Variants in RHEX observed in about 807,000 individuals in gnomAD.
RHEX encodes the protein regulator of hemoglobinization and erythroid cell expansion.
In RHEX, 18 loss-of-function variants were observed where a neutral mutation model predicts 20.1. The observed-to-expected ratio is 0.90, with a 90% CI of 0.62 to 1.33. The LOEUF (loss-of-function observed/expected upper bound fraction) is 1.33. Among genes scored for constraint, RHEX ranks in the 40% most tolerant of loss-of-function variants. The pLI, the probability that RHEX is intolerant of heterozygous loss-of-function variation, is 0.00. For synonymous variants in RHEX, 87 were observed against 77.1 expected (o/e 1.13, Z -0.67); for missense variants, 192 against 214.3 (o/e 0.90, Z 0.65).
chr1:206,063,066 A>G (rs569029154), intron 1 of RHEX, among the ~76,000 whole-genome samples: 12 of 152,344 alleles, frequency 7.9e-5, no homozygotes, highest in South Asian at 6.2e-4. Flanking sequence ...GCTAGTTTGT[A>G]TCAGGTGTTC....
In RHEX at chr1:206,067,612, G is replaced by T. The variant is rs1368937538; in HGVS notation, c.-97+14347G>T. ...GGTGGGGAGAGCAATTTTTCTGCCA[G>T]ACAGCTCATCACTGACAACCCACTG... On this transcript the variant is annotated intron_variant, in intron 1 of 5. Coordinates refer to ENST00000331555, the MANE Select transcript of RHEX (RefSeq NM_001007544.4). The surrounding 1 kb of genome is among the most constrained non-coding windows in gnomAD (Gnocchi z 4.6). Among the ~76,000 whole-genome samples the T allele has an allele frequency of 6.6e-6, 1 of 152,088 alleles. No homozygotes were observed. Among genetic ancestry groups the T allele is most frequent in the African/African-American group, 2.4e-5 (1 of 41,364 alleles).
intron 1 of RHEX, among the ~76,000 whole-genome samples, chr1:206,074,323 C>A (rs1662590625): frequency 6.6e-6 from 1 of 152,176 alleles, no homozygotes; most frequent in Non-Finnish European, 1.5e-5. Context: ...CTCTGTATCC[C>A]AGTGCTTAGC....
rs1553288341 is a variant in RHEX at position 206,101,205 on chromosome 1, A to G, written c.318+8A>G. On this transcript the variant is annotated splice_region_variant and intron_variant, in intron 5 of 5. Transcript: ENST00000331555. Reference sequence around the variant, plus strand: ...TCGCCTCCTGCCTGCCAGGTAATGGATGTGCCTAGTGATCTCAGACGAACA... The same window carrying G: ...TCGCCTCCTGCCTGCCAGGTAATGGGTGTGCCTAGTGATCTCAGACGAACA... 8 of 1,607,476 alleles carry G rather than the reference A, an allele frequency of 5.0e-6. No individual in the cohort carries two copies. The highest frequency in any genetic ancestry group is 1.1e-5 in the South Asian group (1 of 90,340).
rs782015197 is a variant in RHEX at position 206,098,097 on chromosome 1, C to T, written c.28C>T (p.His10Tyr). ...TCCCAACAGAGTCATGGAGGTCTGG[C>T]ATGGCTTAGTGATCGCGGTGGTGTC... is the stretch of plus-strand genomic sequence containing the variant. MLTEVMEVW[H>Y]GLVIAVVSLF... Residue 10 changes from histidine to tyrosine, a missense_variant, in exon 3 of 6, where the codon CAT becomes TAT. Transcript: ENST00000331555. 2.5e-6 allele frequency: 4 copies of T among 1,613,790 alleles called. No individual in the cohort carries two copies. The highest frequency in any genetic ancestry group is 1.1e-5 in the South Asian group (1 of 91,076).
At chr1:206,055,789 G>C (rs1662181929) in intron 1 of RHEX, among the ~76,000 whole-genome samples, 1 of 152,280 alleles carries the variant, frequency 6.6e-6, no homozygotes, top group Admixed American at 6.5e-5. Flanking sequence ...CTATGTGTCA[G>C]AAAGAGAAAA....
chr1:206,098,824 G>A (rs1160608689), intron 3 of RHEX, among the ~76,000 whole-genome samples: 2 of 151,982 alleles, frequency 1.3e-5, no homozygotes, highest in Admixed American at 1.3e-4. Flanking sequence ...TACACAACAG[G>A]GAACAAAACA....
At chr1:206,098,004 G>A in intron 2 of RHEX, 77 bp from the exon 3 acceptor site, 1 of 1,297,266 alleles carries the variant, frequency 7.7e-7, no homozygotes, top group Non-Finnish European at 1.1e-6. Context: ...TCTGCCTCCA[G>A]CTAGGACAGG....
chr1:206,090,787 A>G (rs1242946295), intron 1 of RHEX, among the ~76,000 whole-genome samples: 1 of 151,796 alleles, frequency 6.6e-6, no homozygotes, highest in Non-Finnish European at 1.5e-5. Flanking sequence ...AGATATTTCT[A>G]TTGTTGTAGT....
At position 206,099,818 on chromosome 1, in the gene RHEX, G is replaced by A; in HGVS notation, c.256+20G>A. ...ACAGGCGTGAGTAAGGGGTTGGAGG[G>A]AGAACTTGTCTAGGGACTAACTTTG... On this transcript the variant is annotated intron_variant, in intron 4 of 5. Transcript: ENST00000331555. 1 of 1,612,088 alleles carries A rather than the reference G, an allele frequency of 6.2e-7. No homozygotes were observed. The highest frequency in any genetic ancestry group is 8.5e-7 in the Non-Finnish European group (1 of 1,178,822).
intron 1 of RHEX, among the ~76,000 whole-genome samples, chr1:206,069,486 C>T (rs1553284457): frequency 3.9e-5 from 6 of 152,192 alleles, no homozygotes; most frequent in Non-Finnish European, 8.8e-5. Flanking sequence ...GTAGAATGAA[C>T]ACTAAATATT....
chr1:206,063,368 G>GCCTCTCCCTCTC (rs368021574), intron 1 of RHEX, among the ~76,000 whole-genome samples: 15 of 151,458 alleles, frequency 9.9e-5, no homozygotes, highest in African/African-American at 3.4e-4. Flanking sequence ...AGATTTTTCT[G>GCCTCTCCCTCTC]CCTCTCCCTC....
At chr1:206,092,054 CTCTCTCTCTT>C (rs1354631322) in intron 1 of RHEX, among the ~76,000 whole-genome samples, 7 of 150,518 alleles carry the variant, frequency 4.7e-5, no homozygotes, top group African/African-American at 7.4e-5. Context: ...CTCTCTTTCT[CTCTCTCTCTT>C]TCTCTCTCTT....
At chr1:206,057,640 G>A in intron 1 of RHEX, among the ~76,000 whole-genome samples, 1 of 152,252 alleles carries the variant, frequency 6.6e-6, no homozygotes, top group East Asian at 1.9e-4. Flanking sequence ...TCAGTGGACA[G>A]GTAGCTGTGT....
intron 1 of RHEX, among the ~76,000 whole-genome samples, chr1:206,083,345 G>A (rs993221005): frequency 6.6e-6 from 1 of 152,076 alleles, no homozygotes; most frequent in African/African-American, 2.4e-5. Context: ...GTGTGCCACA[G>A]GGAGAGAAAG....
At chr1:206,096,266 A>G (rs1663066753) in intron 1 of RHEX, among the ~76,000 whole-genome samples, 1 of 152,260 alleles carries the variant, frequency 6.6e-6, no homozygotes, top group African/African-American at 2.4e-5. Flanking sequence ...TGAGTGTAGT[A>G]TTGGAAGACA....
At chr1:206,093,276 T>C (rs115905993) in intron 1 of RHEX, among the ~76,000 whole-genome samples, 1,547 of 152,136 alleles carry the variant, frequency 0.01, 30 homozygotes, top group African/African-American at 0.036. Flanking sequence ...TTTTCTTTTT[T>C]TTTTTTTCCT....
chr1:206,085,054 T>C (rs1662811867), intron 1 of RHEX, among the ~76,000 whole-genome samples: 1 of 152,128 alleles, frequency 6.6e-6, no homozygotes, highest in African/African-American at 2.4e-5. Flanking sequence ...ACTGAATCAG[T>C]CGAGTCCCTT....
chr1:206,060,808 G>A (rs1662295644), intron 1 of RHEX: 1 of 152,144 alleles, frequency 6.6e-6, no homozygotes. Flanking sequence ...TCTTGTCCAT[G>A]ACCCTGAAGA....
At chr1:206,074,440 A>G (rs1662594053) in intron 1 of RHEX, among the ~76,000 whole-genome samples, 1 of 152,270 alleles carries the variant, frequency 6.6e-6, no homozygotes, top group Non-Finnish European at 1.5e-5. Flanking sequence ...CATACTGGCC[A>G]TCATAGCAAA....
Sources: gnomAD v4.1 joint callset for allele counts (sites outside exome capture counted in the v4.1 genomes callset) on GRCh38, gnomAD v4.1.1 for gene constraint, Gnocchi (gnomAD v3.1) non-coding constraint, MANE v1.5 for transcripts, NCBI Gene and HGNC (gene_info 2026-07-23, HGNC 2026-07-21) for gene names.